The following CAMK1D variants were observed in gnomAD, a reference collection of about 807,000 sequenced individuals.
CAMK1D encodes calcium/calmodulin-dependent protein kinase type 1D.
In CAMK1D, 9 loss-of-function variants were observed where a neutral mutation model predicts 47.7. The observed-to-expected ratio is 0.19, with a 90% CI of 0.11 to 0.33. CAMK1D has a LOEUF of 0.33. Among genes scored for constraint, CAMK1D ranks in the 10% least tolerant of loss-of-function variants. CAMK1D has a pLI of 1.00. For missense variants in CAMK1D, 291 were observed against 488.7 expected, an observed-to-expected ratio of 0.60 and a Z score of 3.81; for synonymous variants, 184 against 184.9, an observed-to-expected ratio of 0.99 and a Z score of 0.04.
At chr10:12,747,897 C>A (rs1835760528) in intron 3 of CAMK1D, among the ~76,000 whole-genome samples, 1 of 152,168 alleles carries the variant, frequency 6.6e-6, no homozygotes, top group South Asian at 2.1e-4. Context: ...CTGTCCAGAT[C>A]TTTGAATGAG....
At chr10:12,424,687 T>C (rs1840165620) in intron 1 of CAMK1D, among the ~76,000 whole-genome samples, 1 of 152,190 alleles carries the variant, frequency 6.6e-6, no homozygotes, top group South Asian at 2.1e-4. Flanking sequence ...CTCATGCCTG[T>C]AGTCCCAGCA....
In CAMK1D at chr10:12,382,906, G is replaced by A. The variant is rs150553871; in HGVS notation, c.92+32996G>A. Among the ~76,000 whole-genome samples, 233 of 151,618 alleles carry A rather than the reference G, an allele frequency of 1.5e-3. 1 individual carries two copies. The highest frequency in any genetic ancestry group is 4.9e-3 in the African/African-American group (204 of 41,376). On this transcript the variant is annotated intron_variant, in intron 1 of 10. Coordinates refer to ENST00000619168, the MANE Select transcript of CAMK1D (RefSeq NM_153498.4). ...TCCTAGCACTTTGATTAAATGTGTC[G>A]TTTAATCTGTACAACATCCCTGCAA... is the stretch of plus-strand genomic sequence containing the variant.
At position 12,568,203 on chromosome 10, in the gene CAMK1D, TCCTTCCCTTC is replaced by T. The variant is rs1287182847; in HGVS notation, c.224+14854_224+14863del. On this transcript the variant is annotated intron_variant, in intron 2 of 10. Transcript: ENST00000619168. ...CTCCCTCTCCCCCTCTCTCCCTCTT[TCCTTCCCTTC>T]CCTTCCTGCCCCTCCCTTCCCTTCC... Among the ~76,000 whole-genome samples, 5 of 81,964 alleles carry T rather than the reference TCCTTCCCTTC, an allele frequency of 6.1e-5. No homozygotes were observed. The East Asian group carries it at 2.2e-3, about 35-fold the overall frequency. The allele number at this position is 81,964 out of a possible 152,430, so 53.8% of individuals were successfully genotyped here.
At chr10:12,522,201 CT>C (rs746434997) in intron 1 of CAMK1D, among the ~76,000 whole-genome samples, 120 of 38,850 alleles carry the variant, frequency 3.1e-3, no homozygotes, top group South Asian at 3.7e-3. Flanking sequence ...CTTTTTTTTT[CT>C]TTTTTTTTTT....
chr10:12,760,623 A>G (rs1214740444), intron 3 of CAMK1D: 2 of 211,942 alleles, frequency 9.4e-6, no homozygotes, highest in African/African-American at 4.5e-5. Context: ...ATCTTCCTGT[A>G]TCCGAGGACG....
intron 3 of CAMK1D, among the ~76,000 whole-genome samples, chr10:12,735,658 G>A (rs1046688945): frequency 6.6e-6 from 1 of 152,124 alleles, no homozygotes; most frequent in Non-Finnish European, 1.5e-5. Flanking sequence ...CCGTCTCTCT[G>A]TACCAGACCT....
At chr10:12,662,966 CGTTTTTGTTTTT>C (rs1441664379) in intron 2 of CAMK1D, among the ~76,000 whole-genome samples, 8 of 151,834 alleles carry the variant, frequency 5.3e-5, no homozygotes, top group Admixed American at 5.2e-4. Flanking sequence ...TTTTTGTTTT[CGTTTTTGTTTTT>C]GAGACAGAGT....
chr10:12,826,864 C>T (rs1421910785), intron 10 of CAMK1D, among the ~76,000 whole-genome samples: 1 of 152,238 alleles, frequency 6.6e-6, no homozygotes, highest in Admixed American at 6.5e-5. Flanking sequence ...CAGATTCATA[C>T]ACTGGCATCG....
intron 2 of CAMK1D, among the ~76,000 whole-genome samples, chr10:12,665,107 G>T (rs1171314038): frequency 1.3e-5 from 2 of 152,138 alleles, no homozygotes; most frequent in Non-Finnish European, 1.5e-5. Flanking sequence ...TGTATGGCTG[G>T]TAGTATCTTG....
intron 1 of CAMK1D, among the ~76,000 whole-genome samples, chr10:12,456,243 C>A (rs753964501): frequency 1.9e-4 from 29 of 152,140 alleles, no homozygotes; most frequent in Non-Finnish European, 2.8e-4. Flanking sequence ...CATTGTGTGT[C>A]TTGTGATGAG....
chr10:12,654,048 C>A (rs1840052939), intron 2 of CAMK1D, among the ~76,000 whole-genome samples: 1 of 152,198 alleles, frequency 6.6e-6, no homozygotes, highest in African/African-American at 2.4e-5. Context: ...CCCCTAGATT[C>A]CAGTGCATTA....
intron 1 of CAMK1D, among the ~76,000 whole-genome samples, chr10:12,541,842 T>TCTTCTTCCTTC (rs1836193676): frequency 8.6e-6 from 1 of 116,608 alleles, no homozygotes; most frequent in Non-Finnish European, 1.7e-5. Flanking sequence ...CTGTGTTTTA[T>TCTTCTTCCTTC]CTTCCTTCCT....
chr10:12,426,807 G>A (rs1840249127), intron 1 of CAMK1D, among the ~76,000 whole-genome samples: 1 of 151,834 alleles, frequency 6.6e-6, no homozygotes, highest in South Asian at 2.1e-4. Context: ...CTCCACCTCC[G>A]GGGTTCAAGC....
chr10:12,516,539 A>G (rs753117682), intron 1 of CAMK1D, among the ~76,000 whole-genome samples: 1 of 152,240 alleles, frequency 6.6e-6, no homozygotes, highest in Non-Finnish European at 1.5e-5. Flanking sequence ...GTAAGTATTT[A>G]TTGAACCTTG....
intron 6 of CAMK1D, among the ~76,000 whole-genome samples, chr10:12,796,861 T>G (rs1489971022): frequency 6.6e-6 from 1 of 152,330 alleles, no homozygotes; most frequent in Non-Finnish European, 1.5e-5. Flanking sequence ...TCAGACATCT[T>G]TGTGAATTGA....
intron 1 of CAMK1D, among the ~76,000 whole-genome samples, chr10:12,378,001 CA>C (rs1351764403): frequency 4.6e-5 from 7 of 152,222 alleles, no homozygotes; most frequent in African/African-American, 1.7e-4. Context: ...TCTGATTTTG[CA>C]CATGGTTAAT....
chr10:12,833,208 C>T lies in CAMK1D; in HGVS notation c.*4321C>T, dbSNP rs10906233. 0.083 allele frequency: 12,694 copies of T among 152,318 alleles called. 1,213 individuals are homozygous for T. The highest frequency in any genetic ancestry group is 0.47 in the East Asian group (2,436 of 5,130). 9.4% of individuals were successfully genotyped at this position (152,318 alleles called of 1,614,324 possible). On this transcript the variant is annotated 3_prime_UTR_variant, in exon 11 of 11. Coordinates refer to ENST00000619168, the MANE Select transcript of CAMK1D (RefSeq NM_153498.4). Reference sequence around the variant, plus strand: ...AGCCCCGGACTCGGTTTACCTACCCCGTACTCATCCCACTCATCTGTCTAC... The same window carrying T: ...AGCCCCGGACTCGGTTTACCTACCCTGTACTCATCCCACTCATCTGTCTAC...
intron 2 of CAMK1D, among the ~76,000 whole-genome samples, chr10:12,554,561 G>A (rs565064593): frequency 0.13 from 11,786 of 88,292 alleles, 3,749 homozygotes; most frequent in Non-Finnish European, 0.22. Flanking sequence ...TTTTCTCCAG[G>A]CAGGATCTTG....
chr10:12,523,562 G>C (rs12768636), intron 1 of CAMK1D, among the ~76,000 whole-genome samples: 43,061 of 151,432 alleles, frequency 0.28, 6,360 homozygotes, highest in East Asian at 0.38. Context: ...GGCCAACACA[G>C]CGAAACCCCG....
Sources: gnomAD v4.1 joint callset for allele counts (sites outside exome capture counted in the v4.1 genomes callset) on GRCh38, gnomAD v4.1.1 for gene constraint, MANE v1.5 for transcripts, NCBI Gene and HGNC (gene_info 2026-07-23, HGNC 2026-07-21) for gene names.